DNAH6: variants seen among roughly 807,000 people sequenced by gnomAD.
DNAH6 encodes dynein axonemal heavy chain 6, also known as axonemal beta dynein heavy chain 6.
In DNAH6, 340 loss-of-function variants were observed where a neutral mutation model predicts 491.4. The observed-to-expected ratio is 0.69, with a 90% CI of 0.63 to 0.76. DNAH6 has a LOEUF of 0.76. DNAH6 is among the 30% of genes least tolerant of loss of function. The probability of loss-of-function intolerance (pLI) is 0.00; values close to 1 mark genes in which losing one functional copy is unlikely to be tolerated. For synonymous variants in DNAH6, 1,603 were observed against 1,686.1 expected, an observed-to-expected ratio of 0.95 and a Z score of 1.21; for missense variants, 4,443 against 4,972.2, an observed-to-expected ratio of 0.89 and a Z score of 3.20.
At chr2:84,495,699 C>T in the DNAH6 span, among the ~76,000 whole-genome samples, 1 of 152,092 alleles carries the variant, frequency 6.6e-6, no homozygotes, top group East Asian at 1.9e-4. Flanking sequence ...TGCCCTGATA[C>T]AAAATCTGGT....
intron 68 of DNAH6, among the ~76,000 whole-genome samples, chr2:84,792,241 G>A (rs1248163976): frequency 6.6e-6 from 1 of 152,188 alleles, no homozygotes; most frequent in Non-Finnish European, 1.5e-5. Context: ...GGAAAATGGG[G>A]AGTTGTTGTT....
At chr2:84,597,430 A>G (rs1247878676) in intron 18 of DNAH6, among the ~76,000 whole-genome samples, 2 of 152,248 alleles carry the variant, frequency 1.3e-5, no homozygotes, top group Non-Finnish European at 2.9e-5. Flanking sequence ...TAGGATGGCT[A>G]TGATCAAAGA....
chr2:84,651,953 CT>C (rs1338398048), intron 33 of DNAH6, among the ~76,000 whole-genome samples: 231 of 144,438 alleles, frequency 1.6e-3, no homozygotes, highest in Middle Eastern at 3.6e-3. Context: ...ATGCATGAGT[CT>C]TTTTTTTTTT....
chr2:84,530,023 G>T (rs2104452746), intron 4 of DNAH6, among the ~76,000 whole-genome samples: 1 of 152,300 alleles, frequency 6.6e-6, no homozygotes, highest in Admixed American at 6.5e-5. Flanking sequence ...ACAATAACTT[G>T]TAGGAAGGAC....
Position 84,720,097 on chromosome 2 carries a change from C to T in DNAH6, c.9792+1713C>T, listed in dbSNP as rs191056306. Among the ~76,000 whole-genome samples the T allele has an allele frequency of 9.6e-4, 146 of 152,154 alleles. 1 individual carries two copies. Among genetic ancestry groups the T allele is most frequent in the African/African-American group, 3.4e-3 (141 of 41,526 alleles). On this transcript the variant is annotated intron_variant, in intron 59 of 76. Coordinates refer to ENST00000389394, the MANE Select transcript of DNAH6 (RefSeq NM_001370.2). Reference sequence around the variant, plus strand: ...CCCAGTCACTCTGTTTTAGTTCCTTCCTTCCATCAGAAAACCCTCTCTTTT... The same window carrying T: ...CCCAGTCACTCTGTTTTAGTTCCTTTCTTCCATCAGAAAACCCTCTCTTTT...
At chr2:84,667,705 A>G (rs2104646770) in intron 37 of DNAH6, among the ~76,000 whole-genome samples, 1 of 152,318 alleles carries the variant, frequency 6.6e-6, no homozygotes, top group African/African-American at 2.4e-5. Flanking sequence ...ATCTAGAACT[A>G]GAAATACCGT....
intron 46 of DNAH6, 145 bp downstream of exon 46, chr2:84,694,625 A>G: frequency 1.6e-6 from 1 of 611,962 alleles, no homozygotes; most frequent in Non-Finnish European, 2.9e-6. Context: ...AAAGACTTTT[A>G]TAATACATTT....
At chr2:84,521,136 A>G (rs1003449192) in intron 2 of DNAH6, among the ~76,000 whole-genome samples, 5 of 150,390 alleles carry the variant, frequency 3.3e-5, no homozygotes, top group East Asian at 1.9e-4. Flanking sequence ...TTACTTTTCT[A>G]TTTTTTTTAA....
chr2:84,669,990 C>T (rs1224380116), intron 38 of DNAH6, among the ~76,000 whole-genome samples: 1 of 152,074 alleles, frequency 6.6e-6, no homozygotes, highest in African/African-American at 2.4e-5. Flanking sequence ...TTGGAGAATC[C>T]ACGTAAACAG....
intron 63 of DNAH6, among the ~76,000 whole-genome samples, chr2:84,755,196 AT>A (rs2105095109): frequency 6.6e-6 from 1 of 152,342 alleles, no homozygotes; most frequent in South Asian, 2.1e-4. Context: ...TGTCATTGTC[AT>A]ATGAGTGATT....
chr2:84,615,124 CA>C (rs773375560), intron 22 of DNAH6, among the ~76,000 whole-genome samples: 1 of 152,072 alleles, frequency 6.6e-6, no homozygotes, highest in Non-Finnish European at 1.5e-5. Flanking sequence ...AAGCCAATGT[CA>C]AGAGGTGTTT....
chr2:84,712,165 A>T (rs920279610), intron 56 of DNAH6, among the ~76,000 whole-genome samples: 1 of 152,234 alleles, frequency 6.6e-6, no homozygotes, highest in Non-Finnish European at 1.5e-5. Context: ...GTCTCCACCC[A>T]TTCATGAGTA....
Position 84,710,351 on chromosome 2 carries a change from G to A in DNAH6, c.9317G>A (p.Ser3106Asn), listed in dbSNP as rs1558944102. ...TTAAAGATCATTAAGCTTACAGATA[G>A]TAATTTCTTACGAATACTCGAGAAT... is the stretch of plus-strand genomic sequence containing the variant. The part of the protein sequence containing the change: ...SGLKIIKLTD[S>N]NFLRILENSI... The change falls in exon 56 of 77, where the codon AGT becomes AAT. Residue 3106 changes from serine (S) to asparagine (N), a missense_variant. Physicochemically the swap from Ser to Asn is conservative, Grantham distance 46 (BLOSUM62 1). Around this residue, in one of 3 missense-constraint regions of DNAH6, gnomAD observed 1,463 missense variants for 1,656.6 expected, o/e 0.88. Coordinates refer to ENST00000389394, the MANE Select transcript of DNAH6 (RefSeq NM_001370.2). 1.3e-6 allele frequency: 2 copies of A among 1,551,722 alleles called. No homozygotes were observed. Among genetic ancestry groups the A allele is most frequent in the Non-Finnish European group, 1.7e-6 (2 of 1,146,972 alleles).
In DNAH6 at chr2:84,685,396, C is replaced by G. The variant is rs1558907540; in HGVS notation, c.6987C>G (p.Cys2329Trp). 1 of 1,529,924 alleles carries G rather than the reference C, an allele frequency of 6.5e-7. No individual in the cohort carries two copies. Among genetic ancestry groups the G allele is most frequent in the Non-Finnish European group, 8.8e-7 (1 of 1,133,148 alleles). The allele number at this position is 1,529,924 out of a possible 1,614,324, so 94.8% of individuals were successfully genotyped here. A position where few individuals can be genotyped will look rare whatever the true frequency, so the allele number is the denominator to read the frequency against. ...IQIFRLFCHE[C>W]QRVFHDRLIN... ...TATTTAGACTCTTTTGCCATGAGTGCCAAAGGGTCTTCCATGATCGCTTGA... is the reference window on the plus strand; with the variant it reads ...TATTTAGACTCTTTTGCCATGAGTGGCAAAGGGTCTTCCATGATCGCTTGA... The change falls in exon 43 of 77, where the codon TGC (cysteine) becomes TGG (tryptophan). Residue 2329 changes from cysteine to tryptophan, a missense_variant. Physicochemically the swap from Cys to Trp is radical, Grantham distance 215 (BLOSUM62 -2). Around this residue, in one of 3 missense-constraint regions of DNAH6, gnomAD observed 2,977 missense variants for 3,296.6 expected, o/e 0.90. Coordinates refer to ENST00000389394, the MANE Select transcript of DNAH6 (RefSeq NM_001370.2).
rs1034756775 is a variant in DNAH6, at chr2:84,667,503, G to T, written c.6085-1786G>T. Among the ~76,000 whole-genome samples the T allele has an allele frequency of 4.6e-5, 7 of 152,188 alleles. 1 individual carries two copies. In the South Asian group the frequency reaches 1.0e-3, roughly 23 times the overall value. ...CAGCCAACAGACACATGAAAAAATG[G>T]TCATCATCACTGGCCATCAGACAAA... On this transcript the variant is annotated intron_variant, in intron 37 of 76. Transcript: ENST00000389394.
At position 84,745,986 on chromosome 2, in the gene DNAH6, A is replaced by AG. The variant is rs1366404130; in HGVS notation, c.10512+743dup. Reference sequence around the variant, plus strand: ...CAGAGGTAGTAGATTAGAGAGATGAAGGGGGGCATGGAGATGAGGCAACTG... The same window carrying AG: ...CAGAGGTAGTAGATTAGAGAGATGAAGGGGGGGCATGGAGATGAGGCAACTG... On this transcript the variant is annotated intron_variant, in intron 63 of 76. Coordinates refer to ENST00000389394, the MANE Select transcript of DNAH6 (RefSeq NM_001370.2). Among the ~76,000 whole-genome samples, 6 of 152,286 alleles carry AG rather than the reference A, an allele frequency of 3.9e-5. No individual in the cohort carries two copies. In the Middle Eastern group the frequency reaches 0.014, roughly 345 times the overall value.
intron 29 of DNAH6, among the ~76,000 whole-genome samples, chr2:84,627,301 G>A (rs988272761): frequency 2.6e-5 from 4 of 152,022 alleles, no homozygotes; most frequent in African/African-American, 9.7e-5. Flanking sequence ...TCAGTTTTGC[G>A]TCTTTCTTAT....
intron 15 of DNAH6, among the ~76,000 whole-genome samples, chr2:84,587,500 T>C (rs1225298322): frequency 3.9e-5 from 6 of 152,230 alleles, no homozygotes; most frequent in Non-Finnish European, 7.3e-5. Context: ...GCTTCTTCTA[T>C]AGAAGGTTTG....
chr2:84,620,392 G>A (rs149728330), intron 24 of DNAH6, among the ~76,000 whole-genome samples: 65 of 152,264 alleles, frequency 4.3e-4, no homozygotes, highest in African/African-American at 1.5e-3. Context: ...AGCATCTCCA[G>A]GGCACTGCAC....
Sources: allele counts gnomAD v4.1 joint callset (sites outside exome capture counted in the v4.1 genomes callset), GRCh38; gene constraint gnomAD v4.1.1; regional missense constraint gnomAD v4.1.1; transcripts MANE v1.5; gene names NCBI Gene and HGNC (gene_info 2026-07-23, HGNC 2026-07-21).